Variants in RUFY2 observed in about 807,000 individuals in gnomAD.
RUFY2 encodes RUN and FYVE domain containing 2.
A neutral mutation model predicts 94.4 loss-of-function variants in RUFY2; 49 were observed. The observed-to-expected ratio is 0.52, with a 90% CI of 0.41 to 0.66. The LOEUF (loss-of-function observed/expected upper bound fraction) is 0.66, where lower values mean the gene tolerates loss of function less well. Among genes scored for constraint, RUFY2 ranks in the 30% least tolerant of loss-of-function variants. The pLI is 0.00. For synonymous variants in RUFY2, 255 were observed against 235.7 expected (o/e 1.08, Z -0.75); for missense variants, 541 against 692.8 (o/e 0.78, Z 2.46).
intron 2 of RUFY2, 130 bp from the exon 3 acceptor site, chr10:68,401,867 T>G: frequency 1.6e-6 from 1 of 632,366 alleles, no homozygotes; most frequent in Non-Finnish European, 2.8e-6. Context: ...TTTTATCCAC[T>G]ACATATCCCA....
chr10:68,405,313 CA>C (rs386371709), intron 1 of RUFY2: 655 of 170,780 alleles, frequency 3.8e-3, no homozygotes, highest in Middle Eastern at 5.8e-3. Flanking sequence ...CTCCGTCTCA[CA>C]AAAAAAAAAA....
intron 13 of RUFY2, among the ~76,000 whole-genome samples, chr10:68,372,342 A>T (rs890229429): frequency 6.6e-6 from 1 of 152,038 alleles, no homozygotes; most frequent in Non-Finnish European, 1.5e-5. Context: ...CAAAGCTGCA[A>T]TGAGTTATGA....
intron 7 of RUFY2, among the ~76,000 whole-genome samples, chr10:68,392,089 T>A (rs2050040101): frequency 6.6e-6 from 1 of 151,550 alleles, no homozygotes; most frequent in Non-Finnish European, 1.5e-5. Flanking sequence ...TGCAGTGCAA[T>A]GGCACGATCT....
rs571663556 is a variant in RUFY2 at position 68,363,444 on chromosome 10, T to C, written c.1550+146A>G. The C allele has an allele frequency of 2.5e-4, 124 of 503,790 alleles. 1 individual carries two copies. Among genetic ancestry groups the C allele is most frequent in the African/African-American group, 2.1e-3 (105 of 50,370 alleles). The allele number at this position is 503,790 out of a possible 1,614,324, so 31.2% of individuals were successfully genotyped here. A position where few individuals can be genotyped will look rare whatever the true frequency, so the allele number is the denominator to read the frequency against. On this transcript the variant is annotated intron_variant, in intron 15 of 17. Transcript: ENST00000602465. ...CCCGCCTCGGCCAGGAATTACAAAG[T>C]GCGGGGATTACAGGCGTGAACCACC... is the stretch of plus-strand genomic sequence containing the variant.
downstream of RUFY2, chr10:68,341,138 C>T (rs781692178): frequency 3.5e-6 from 5 of 1,428,732 alleles, no homozygotes; most frequent in South Asian, 1.3e-5. Flanking sequence ...TTAATATTCT[C>T]AATAGAAAAG....
chr10:68,403,127 T>G, intron 2 of RUFY2, among the ~76,000 whole-genome samples: 1 of 150,114 alleles, frequency 6.7e-6, no homozygotes, highest in Non-Finnish European at 1.5e-5. Context: ...ATTACAGACA[T>G]GAGCCATCGC....
At chr10:68,393,855 C>G in intron 6 of RUFY2, 1 of 978,482 alleles carries the variant, frequency 1.0e-6, no homozygotes, top group Admixed American at 4.3e-5. Context: ...ACAGGTATAA[C>G]CAAAGGTCCC....
chr10:68,351,974 T>C (rs2046709718), intron 16 of RUFY2, among the ~76,000 whole-genome samples: 2 of 151,368 alleles, frequency 1.3e-5, no homozygotes, highest in South Asian at 4.2e-4. Flanking sequence ...GGAGAATTGC[T>C]TGAACCCAGG....
intron 16 of RUFY2, among the ~76,000 whole-genome samples, chr10:68,349,086 G>C (rs2046477807): frequency 6.6e-6 from 1 of 152,128 alleles, no homozygotes; most frequent in South Asian, 2.1e-4. Context: ...ACTAATCATA[G>C]CAGATTTCTC....
rs1261425368 is a variant in RUFY2, at chr10:68,344,677, T to TC, written c.*1090dup. 3 of 151,932 alleles carry TC rather than the reference T, an allele frequency of 2.0e-5. No homozygotes were observed. The highest frequency in any genetic ancestry group is 4.4e-5 in the Non-Finnish European group (3 of 68,154). The allele number at this position is 151,932 out of a possible 1,614,324, so 9.4% of individuals were successfully genotyped here. ...CCAGCCTAGGCAACAAGAGTGAAAC[T>TC]CCATCTCGAAAAAAAAAGAAATAGG... is the stretch of plus-strand genomic sequence containing the variant. On this transcript the variant is annotated 3_prime_UTR_variant, in exon 18 of 18. Transcript: ENST00000602465.
rs1564769388 is a variant in RUFY2 at position 68,346,029 on chromosome 10, TC to T, written c.1654del (p.Glu552AsnfsTer65). On this transcript the variant is annotated frameshift_variant, in exon 17 of 18. Transcript: ENST00000602465. LOFTEE classifies it high-confidence loss of function. ...TACCTTTCTCTTAGAGAGTGAGAATTCCTTTTCACAAAGTTTACAATGTGTT... is the reference window on the plus strand; with the variant it reads ...TACCTTTCTCTTAGAGAGTGAGAATTCTTTTCACAAAGTTTACAATGTGTT... ...EATHCKLCEK[E>X]FSLSKRKHHC... 2.5e-6 allele frequency: 4 copies of T among 1,613,980 alleles called. No individual in the cohort carries two copies. The highest frequency in any genetic ancestry group is 3.4e-6 in the Non-Finnish European group (4 of 1,179,956).
In RUFY2 at chr10:68,343,740, T is replaced by C. The variant is rs190417744; in HGVS notation, c.*2028A>G. 7.0e-4 allele frequency: 92 copies of C among 130,588 alleles called. 1 individual carries two copies. In the East Asian group the frequency reaches 0.018, roughly 25 times the overall value. 8.1% of individuals were successfully genotyped at this position (130,588 alleles called of 1,614,324 possible). On this transcript the variant is annotated 3_prime_UTR_variant, in exon 18 of 18. Transcript: ENST00000602465. ...TGTTAAAAGTCTTGTAACAGAAAAA[T>C]CCAAAGTTAGTATAGTTTTTAAATA...
chr10:68,352,740 T>A (rs550632526), intron 16 of RUFY2, among the ~76,000 whole-genome samples: 1 of 151,292 alleles, frequency 6.6e-6, no homozygotes, highest in African/African-American at 2.4e-5. Context: ...ACAAGCCTAG[T>A]CAATATGGTG....
At chr10:68,387,304 C>T (rs2049580589) in intron 7 of RUFY2, among the ~76,000 whole-genome samples, 1 of 151,982 alleles carries the variant, frequency 6.6e-6, no homozygotes. Flanking sequence ...TTGCAGTGAG[C>T]CGAGATTGCG....
At chr10:68,392,908 C>A (rs2050112219) in intron 7 of RUFY2, among the ~76,000 whole-genome samples, 2 of 136,904 alleles carry the variant, frequency 1.5e-5, no homozygotes. Context: ...AGCCTGGCAA[C>A]AGAGTGAGAC....
chr10:68,404,052 C>T (rs956336263), intron 2 of RUFY2, among the ~76,000 whole-genome samples: 8 of 152,080 alleles, frequency 5.3e-5, no homozygotes, highest in African/African-American at 1.9e-4. Context: ...AGATACTCAT[C>T]GTATGAACTA....
At chr10:68,384,757 G>T (rs1379970562) in intron 8 of RUFY2, among the ~76,000 whole-genome samples, 1 of 152,196 alleles carries the variant, frequency 6.6e-6, no homozygotes, top group East Asian at 1.9e-4. Context: ...AAGCAAAGCA[G>T]AGACCATTCC....
chr10:68,342,677 C>G (rs2046035046), downstream of RUFY2: 1 of 152,558 alleles, frequency 6.6e-6, no homozygotes, highest in African/African-American at 2.4e-5. Context: ...GTGTTGGAAG[C>G]TGAATTCTAG....
At chr10:68,404,219 G>A (rs1456280383) in intron 2 of RUFY2, among the ~76,000 whole-genome samples, 2 of 152,136 alleles carry the variant, frequency 1.3e-5, no homozygotes, top group African/African-American at 2.4e-5. Context: ...CTTCAGGGAT[G>A]GCTCACATTT....
Sources: gnomAD v4.1 joint callset for allele counts (sites outside exome capture counted in the v4.1 genomes callset) on GRCh38, gnomAD v4.1.1 for gene constraint, MANE v1.5 for transcripts, NCBI Gene and HGNC (gene_info 2026-07-23, HGNC 2026-07-21) for gene names.